SDK1: variants seen among roughly 807,000 people sequenced by gnomAD.
The protein encoded by SDK1 is protein sidekick-1.
In SDK1, 157 loss-of-function variants were observed where a neutral mutation model predicts 245.5. That is an observed-to-expected ratio of 0.64 (90% CI 0.56 to 0.73). The LOEUF is 0.73. SDK1 is among the 30% of genes least tolerant of loss of function. SDK1 has a pLI of 0.00. For missense variants in SDK1, 3,583 were observed against 3,002.3 expected (o/e 1.19, Z -4.52); for synonymous variants, 1,647 against 1,278.5 (o/e 1.29, Z -6.15).
intron 1 of SDK1, among the ~76,000 whole-genome samples, chr7:3,581,084 T>C (rs772219505): frequency 1.3e-5 from 2 of 149,782 alleles, no homozygotes; most frequent in Non-Finnish European, 3.0e-5. Context: ...CTGAAAACAA[T>C]TGCACCAAAA....
chr7:3,330,887 G>T (rs1780052560), intron 1 of SDK1, among the ~76,000 whole-genome samples: 1 of 150,140 alleles, frequency 6.7e-6, no homozygotes, highest in African/African-American at 2.4e-5. Context: ...TGGGAGGATT[G>T]CTTGAGTCCA....
At chr7:3,501,422 G>C (rs779117193) in intron 1 of SDK1, among the ~76,000 whole-genome samples, 9 of 151,916 alleles carry the variant, frequency 5.9e-5, no homozygotes, top group Admixed American at 2.6e-4. Flanking sequence ...AGAACAGTTA[G>C]GTTCCGAGTG....
At chr7:3,723,765 CATAT>C (rs1351691539) in intron 4 of SDK1, among the ~76,000 whole-genome samples, 1 of 148,982 alleles carries the variant, frequency 6.7e-6, no homozygotes, top group Non-Finnish European at 1.5e-5. Context: ...CGTACATATA[CATAT>C]ACACGTGTAT....
chr7:3,742,132 T>A lies in SDK1; in HGVS notation c.714-79318T>A, dbSNP rs192584429. Among the ~76,000 whole-genome samples the A allele has an allele frequency of 2.4e-4, 36 of 148,834 alleles. 1 individual carries two copies. The highest frequency in any genetic ancestry group is 5.8e-4 in the East Asian group (3 of 5,160). On this transcript the variant is annotated intron_variant, in intron 4 of 44. Transcript: ENST00000404826. ...ACATCTGGTTGTATTAAATTCTCTGTTCCTCTTTTTTTTTTTACCCCCATT... is the reference window on the plus strand; with the variant it reads ...ACATCTGGTTGTATTAAATTCTCTGATCCTCTTTTTTTTTTTACCCCCATT...
intron 16 of SDK1, among the ~76,000 whole-genome samples, chr7:4,013,970 C>T (rs1317245017): frequency 6.6e-6 from 1 of 152,264 alleles, no homozygotes; most frequent in Non-Finnish European, 1.5e-5. Flanking sequence ...AGAAAACAGC[C>T]CCGTGTCCCC....
intron 5 of SDK1, among the ~76,000 whole-genome samples, chr7:3,861,631 C>G (rs1030327820): frequency 1.3e-5 from 2 of 152,284 alleles, no homozygotes; most frequent in African/African-American, 4.8e-5. Context: ...GGTGCTCATT[C>G]AAAACCTTAT....
intron 40 of SDK1, among the ~76,000 whole-genome samples, chr7:4,225,922 A>C (rs969627552): frequency 6.6e-6 from 1 of 150,748 alleles, no homozygotes; most frequent in South Asian, 2.1e-4. Flanking sequence ...CTTTCGGATC[A>C]TGAAGGGAAC....
chr7:4,109,604 C>T (rs1206962211), intron 22 of SDK1, among the ~76,000 whole-genome samples: 2 of 152,216 alleles, frequency 1.3e-5, no homozygotes, highest in African/African-American at 2.4e-5. Context: ...CACGGCCACA[C>T]GAAACCAGAG....
chr7:3,998,723 A>G (rs900801065), intron 14 of SDK1, among the ~76,000 whole-genome samples: 1 of 152,130 alleles, frequency 6.6e-6, no homozygotes, highest in African/African-American at 2.4e-5. Flanking sequence ...AGTTAATCCC[A>G]TATCTTCATG....
intron 4 of SDK1, among the ~76,000 whole-genome samples, chr7:3,687,315 G>C (rs1784315941): frequency 6.6e-6 from 1 of 151,962 alleles, no homozygotes; most frequent in Non-Finnish European, 1.5e-5. Flanking sequence ...TTTTAGGAGA[G>C]ATGGGGTTTC....
intron 4 of SDK1, among the ~76,000 whole-genome samples, chr7:3,679,274 T>C (rs1784021252): frequency 1.3e-5 from 2 of 152,094 alleles, no homozygotes; most frequent in East Asian, 1.9e-4. Flanking sequence ...TATTAGAAAA[T>C]GGGCAAAGGA....
rs749968798 is a variant in SDK1, at chr7:4,210,169, C to T, written c.5539+7C>T. 1 of 1,546,024 alleles carries T rather than the reference C, an allele frequency of 6.5e-7. No homozygotes were observed. The highest frequency in any genetic ancestry group is 2.1e-5 in the Admixed American group (1 of 47,770). ...CCCTTGGCCCCTGTACAAGGTAAGA[C>T]CCGGGGTTGGGGAGATGGGAGCGCG... is the stretch of plus-strand genomic sequence containing the variant. On this transcript the variant is annotated splice_region_variant and intron_variant, in intron 38 of 44. Transcript: ENST00000404826.
intron 4 of SDK1, among the ~76,000 whole-genome samples, chr7:3,669,823 A>C (rs1226102564): frequency 6.6e-6 from 1 of 152,160 alleles, no homozygotes; most frequent in Non-Finnish European, 1.5e-5. Context: ...GAGTTTTTTC[A>C]AAGGTGCTTC....
intron 28 of SDK1, among the ~76,000 whole-genome samples, chr7:4,140,714 A>C (rs1779528104): frequency 6.6e-6 from 1 of 152,140 alleles, no homozygotes; most frequent in East Asian, 1.9e-4. Context: ...AAACAGGAAT[A>C]TCTGCCTGGG....
rs535153050 is a variant in SDK1, at chr7:3,734,995, C to T, written c.714-86455C>T. 4.6e-5 allele frequency among the ~76,000 whole-genome samples: 7 copies of T among 152,240 alleles called. No individual in the cohort carries two copies. In the South Asian group the frequency reaches 1.5e-3, roughly 32 times the overall value. ...ATCCCCTATGTGTTCCTCATTCTCC[C>T]CATGGGTCAGTTAAGACCTCTGTAA... On this transcript the variant is annotated intron_variant, in intron 4 of 44. Coordinates refer to ENST00000404826, the MANE Select transcript of SDK1 (RefSeq NM_152744.4).
At chr7:3,477,875 A>C (rs1288349531) in intron 1 of SDK1, among the ~76,000 whole-genome samples, 2 of 151,976 alleles carry the variant, frequency 1.3e-5, no homozygotes, top group Non-Finnish European at 2.9e-5. Context: ...TTTTATCTGT[A>C]TTTCCTCTTA....
intron 5 of SDK1, among the ~76,000 whole-genome samples, chr7:3,868,627 T>A (rs1207564800): frequency 1.3e-5 from 2 of 152,242 alleles, no homozygotes; most frequent in African/African-American, 2.4e-5. Flanking sequence ...AATAATGTAT[T>A]ACTATTTTAA....
intron 1 of SDK1, among the ~76,000 whole-genome samples, chr7:3,356,237 G>T (rs1039029384): frequency 6.6e-6 from 1 of 152,064 alleles, no homozygotes. Flanking sequence ...GTACCTTTTA[G>T]ATTTGACCTC....
At chr7:3,642,955 T>A (rs1184169144) in intron 4 of SDK1, 1 of 152,274 alleles carries the variant, frequency 6.6e-6, no homozygotes, top group African/African-American at 2.4e-5. Flanking sequence ...TGTTGTGCTT[T>A]TTCAAAAAGA....
Sources: allele counts gnomAD v4.1 joint callset (sites outside exome capture counted in the v4.1 genomes callset), GRCh38; gene constraint gnomAD v4.1.1; transcripts MANE v1.5; gene names NCBI Gene and HGNC (gene_info 2026-07-23, HGNC 2026-07-21).